The following TANC2 variants were observed in gnomAD, a reference collection of about 807,000 sequenced individuals.
TANC2 encodes tetratricopeptide repeat, ankyrin repeat and coiled-coil containing 2.
A neutral mutation model predicts 210.5 loss-of-function variants in TANC2; 26 were observed. That is an observed-to-expected ratio of 0.12 (90% CI 0.09 to 0.17). The LOEUF is 0.17. TANC2 is among the 10% of genes least tolerant of loss of function. The pLI is 1.00. For synonymous variants in TANC2, 931 were observed against 967.1 expected (o/e 0.96, Z 0.69); for missense variants, 2,129 against 2,608.9 (o/e 0.82, Z 4.01).
intron 1 of TANC2, among the ~76,000 whole-genome samples, chr17:62,973,461 T>C (rs921273056): frequency 3.3e-5 from 5 of 152,198 alleles, no homozygotes; most frequent in Non-Finnish European, 5.9e-5. Context: ...TATCTACTTA[T>C]TGAGTGAGGA....
intron 9 of TANC2, among the ~76,000 whole-genome samples, chr17:63,309,168 AGTGT>A (rs2045031743): frequency 6.6e-6 from 1 of 151,948 alleles, no homozygotes; most frequent in South Asian, 2.1e-4. Flanking sequence ...AAAAAATGTG[AGTGT>A]GTGTATGTAT....
chr17:63,186,828 T>TG (rs2041005749), intron 5 of TANC2, among the ~76,000 whole-genome samples: 1 of 152,202 alleles, frequency 6.6e-6, no homozygotes, highest in African/African-American at 2.4e-5. Context: ...CAAATTTAAA[T>TG]AGTTTTAATC....
At chr17:63,082,717 G>A (rs987884513) in intron 3 of TANC2, among the ~76,000 whole-genome samples, 1 of 152,112 alleles carries the variant, frequency 6.6e-6, no homozygotes, top group Non-Finnish European at 1.5e-5. Flanking sequence ...GTATTGATGA[G>A]TGGAAGTTCA....
At chr17:63,053,792 T>C (rs1444402660) in intron 2 of TANC2, among the ~76,000 whole-genome samples, 6 of 152,230 alleles carry the variant, frequency 3.9e-5, no homozygotes, top group African/African-American at 1.4e-4. Flanking sequence ...AGTCCATTTT[T>C]TAGGCCCAAC....
chr17:63,380,984 A>G (rs2047590006), intron 15 of TANC2, among the ~76,000 whole-genome samples: 1 of 152,220 alleles, frequency 6.6e-6, no homozygotes, highest in African/African-American at 2.4e-5. Flanking sequence ...ACTAAAAAGT[A>G]GCTAATAATT....
intron 24 of TANC2, 52 bp from the exon 25 acceptor site, chr17:63,413,491 C>T: frequency 7.1e-7 from 1 of 1,408,654 alleles, no homozygotes; most frequent in Non-Finnish European, 9.6e-7. Flanking sequence ...AGCTTCCTAC[C>T]ACCCTTACAT....
intron 9 of TANC2, among the ~76,000 whole-genome samples, chr17:63,274,663 C>G (rs568647355): frequency 1.3e-5 from 2 of 152,022 alleles, no homozygotes; most frequent in East Asian, 3.9e-4. Flanking sequence ...TAAAAAAATA[C>G]AAAAATTAGC....
intron 5 of TANC2, among the ~76,000 whole-genome samples, chr17:63,174,601 G>T (rs1299541998): frequency 6.6e-6 from 1 of 152,110 alleles, no homozygotes; most frequent in African/African-American, 2.4e-5. Flanking sequence ...CTGGTAACCT[G>T]CTTTGATATG....
intron 2 of TANC2, among the ~76,000 whole-genome samples, chr17:63,066,630 A>C (rs1440518169): frequency 6.6e-6 from 1 of 152,100 alleles, no homozygotes; most frequent in African/African-American, 2.4e-5. Context: ...CCCCGACCTT[A>C]GTGGTAACAT....
chr17:63,145,552 T>A (rs147259697), intron 4 of TANC2, among the ~76,000 whole-genome samples: 11 of 152,262 alleles, frequency 7.2e-5, no homozygotes, highest in African/African-American at 2.4e-4. Context: ...TAGCTCTTAT[T>A]TTTAGGTCTT....
chr17:63,043,499 G>T (rs1309486811), intron 2 of TANC2, among the ~76,000 whole-genome samples: 1 of 152,056 alleles, frequency 6.6e-6, no homozygotes, highest in Non-Finnish European at 1.5e-5. Context: ...AAAAACTGAG[G>T]CAGAGAGCAA....
chr17:63,211,141 G>A (rs2041872874), intron 7 of TANC2, among the ~76,000 whole-genome samples: 1 of 151,888 alleles, frequency 6.6e-6, no homozygotes. Context: ...TTTTCACTCA[G>A]CAACCAAAGT....
intron 21 of TANC2, among the ~76,000 whole-genome samples, chr17:63,407,964 A>C (rs2147305635): frequency 6.6e-6 from 1 of 152,358 alleles, no homozygotes; most frequent in South Asian, 2.1e-4. Context: ...GTGGAAATGG[A>C]AAAGGACCAA....
At chr17:63,191,431 A>G (rs2041179854) in intron 5 of TANC2, among the ~76,000 whole-genome samples, 1 of 151,660 alleles carries the variant, frequency 6.6e-6, no homozygotes, top group African/African-American at 2.4e-5. Flanking sequence ...GCAACTTCAA[A>G]ATATATTTCA....
intron 11 of TANC2, among the ~76,000 whole-genome samples, chr17:63,331,563 C>T (rs536687936): frequency 6.6e-6 from 1 of 152,096 alleles, no homozygotes; most frequent in Non-Finnish European, 1.5e-5. Flanking sequence ...GGTGAGGAAG[C>T]CAAATTGGAA....
chr17:63,315,824 G>T (rs1320506981), intron 10 of TANC2, among the ~76,000 whole-genome samples: 1 of 152,176 alleles, frequency 6.6e-6, no homozygotes, highest in Non-Finnish European at 1.5e-5. Flanking sequence ...TAAACTTATG[G>T]ATGTCTAACG....
intron 3 of TANC2, among the ~76,000 whole-genome samples, chr17:63,098,487 C>CTT (rs2037491517): frequency 2.7e-5 from 2 of 74,290 alleles, no homozygotes; most frequent in African/African-American, 2.1e-4. Context: ...CACATACACT[C>CTT]TCTCTCTCTC....
intron 5 of TANC2, 106 bp from the exon 6 acceptor site, chr17:63,193,885 A>T: frequency 8.0e-7 from 1 of 1,255,558 alleles, no homozygotes; most frequent in Non-Finnish European, 1.0e-6. Flanking sequence ...TTTTTGAGTT[A>T]AAATGTGAAA....
intron 4 of TANC2, chr17:63,150,929 A>G (rs1016602536): frequency 2.6e-5 from 4 of 152,186 alleles, no homozygotes; most frequent in Non-Finnish European, 5.9e-5. Context: ...ATAAGGTAAC[A>G]GACAATCACA....
Sources: gnomAD v4.1 joint callset for allele counts (sites outside exome capture counted in the v4.1 genomes callset) on GRCh38, gnomAD v4.1.1 for gene constraint, MANE v1.5 for transcripts, NCBI Gene and HGNC (gene_info 2026-07-23, HGNC 2026-07-21) for gene names.